The following CDH20 variants were observed in gnomAD, a reference collection of about 807,000 sequenced individuals.
The protein encoded by CDH20 is cadherin 20, also known as cadherin-20.
Under a neutral mutation model 74.2 loss-of-function variants are expected in CDH20, and 29 were observed. The ratio of observed to expected loss-of-function variants is 0.39; its 90% CI spans 0.29 to 0.53. The LOEUF (loss-of-function observed/expected upper bound fraction) is 0.53, where lower values mean the gene tolerates loss of function less well. CDH20 is among the 20% of genes least tolerant of loss of function. The pLI is 0.69. For missense variants in CDH20, 988 were observed against 1,048.3 expected (o/e 0.94, Z 0.79); for synonymous variants, 469 against 405.4 (o/e 1.16, Z -1.88).
chr18:61,450,474 C>A (rs1325154128), intron 1 of CDH20, among the ~76,000 whole-genome samples: 1 of 151,784 alleles, frequency 6.6e-6, no homozygotes, highest in African/African-American at 2.4e-5. Context: ...TATTAAAACC[C>A]CAAAGACTTA....
At chr18:61,348,165 G>A (rs1464842139) in intron 1 of CDH20, among the ~76,000 whole-genome samples, 1 of 152,120 alleles carries the variant, frequency 6.6e-6, no homozygotes, top group Admixed American at 6.6e-5. Flanking sequence ...GTCAAAGTGT[G>A]TTTGTGCCAA....
intron 1 of CDH20, among the ~76,000 whole-genome samples, chr18:61,385,801 G>A (rs145648105): frequency 2.1e-4 from 32 of 151,844 alleles, no homozygotes; most frequent in African/African-American, 7.2e-4. Flanking sequence ...GTGGTGGCAC[G>A]TGCTTGTAGT....
At chr18:61,368,440 G>T (rs1910929678) in intron 1 of CDH20, among the ~76,000 whole-genome samples, 1 of 114,634 alleles carries the variant, frequency 8.7e-6, no homozygotes, top group African/African-American at 3.3e-5. Context: ...TGGGTCGGGG[G>T]TGGGGGGCAA....
At chr18:61,542,669 T>C (rs907033640) in intron 9 of CDH20, among the ~76,000 whole-genome samples, 2 of 152,186 alleles carry the variant, frequency 1.3e-5, no homozygotes, top group South Asian at 4.1e-4. Context: ...GGCTGGGTAA[T>C]TTATAAAGAA....
At chr18:61,476,994 A>G (rs927193896) in intron 1 of CDH20, among the ~76,000 whole-genome samples, 3 of 152,166 alleles carry the variant, frequency 2.0e-5, no homozygotes, top group Non-Finnish European at 4.4e-5. Context: ...CTCATTGAGA[A>G]CACCTCGCAC....
chr18:61,518,448 A>C (rs1443781382), intron 6 of CDH20, among the ~76,000 whole-genome samples: 1 of 144,000 alleles, frequency 6.9e-6, no homozygotes, highest in African/African-American at 2.8e-5. Context: ...GCTGTTCTGC[A>C]GCCTCCGCTG....
chr18:61,454,168 C>T (rs80231110), intron 1 of CDH20, among the ~76,000 whole-genome samples: 1 of 152,246 alleles, frequency 6.6e-6, no homozygotes, highest in East Asian at 1.9e-4. Context: ...GCTTTTTCCA[C>T]TGTTGAGTTT....
chr18:61,356,445 C>T (rs181292653), intron 1 of CDH20, among the ~76,000 whole-genome samples: 1 of 152,166 alleles, frequency 6.6e-6, no homozygotes, highest in Non-Finnish European at 1.5e-5. Flanking sequence ...AATCTTACAC[C>T]TTTAATAATA....
At chr18:61,431,866 C>T (rs1156567497) in intron 1 of CDH20, among the ~76,000 whole-genome samples, 2 of 152,070 alleles carry the variant, frequency 1.3e-5, no homozygotes, top group Non-Finnish European at 2.9e-5. Context: ...TCAAACACTT[C>T]CCAGTTTCTC....
Position 61,445,308 on chromosome 18 carries a change from A to C in CDH20, c.-152-45094A>C, listed in dbSNP as rs948524238. 3.3e-5 allele frequency among the ~76,000 whole-genome samples: 5 copies of C among 152,080 alleles called. No homozygotes were observed. In the East Asian group the frequency reaches 9.7e-4, roughly 29 times the overall value. ...GTAGGTTTTATCCTCCATTTACACA[A>C]AAAAAATCCACAAATCAGAGAAGTT... On this transcript the variant is annotated intron_variant, in intron 1 of 11. Coordinates refer to ENST00000262717, the MANE Select transcript of CDH20 (RefSeq NM_031891.4).
At chr18:61,450,570 T>A (rs931386777) in intron 1 of CDH20, among the ~76,000 whole-genome samples, 8 of 152,006 alleles carry the variant, frequency 5.3e-5, no homozygotes, top group Non-Finnish European at 7.4e-5. Context: ...TAAAAAGAAC[T>A]TTTTTTATTA....
intron 1 of CDH20, among the ~76,000 whole-genome samples, chr18:61,351,014 T>A (rs891111247): frequency 2.0e-5 from 3 of 152,168 alleles, no homozygotes; most frequent in African/African-American, 7.2e-5. Context: ...GCTCACAACC[T>A]TTTCTTCATC....
At chr18:61,506,150 A>G (rs774341704) in intron 5 of CDH20, among the ~76,000 whole-genome samples, 1 of 152,246 alleles carries the variant, frequency 6.6e-6, no homozygotes, top group African/African-American at 2.4e-5. Flanking sequence ...ATCATGTAGA[A>G]ATTGTATGTA....
chr18:61,355,200 T>C (rs1490006290), intron 1 of CDH20, among the ~76,000 whole-genome samples: 2 of 152,244 alleles, frequency 1.3e-5, no homozygotes, highest in Non-Finnish European at 2.9e-5. Context: ...AATAAAATAT[T>C]TTGCTTAAGT....
Position 61,500,410 on chromosome 18 carries a change from C to T in CDH20, c.569C>T (p.Thr190Ile), listed in dbSNP as rs1456044341. ...ACCTCCGTCATCCAAGTGACAGCCA[C>T]AGATGCAGATGACCCGACCTACGGC... The part of the protein sequence containing the change: ...VGTSVIQVTA[T>I]DADDPTYGNS... Residue 190 changes from threonine (T) to isoleucine (I), a missense_variant, in exon 4 of 12, where the codon ACA becomes ATA. Physicochemically the swap from Thr to Ile is moderately conservative, Grantham distance 89 (BLOSUM62 -1). This residue lies in a region of CDH20 where 613 missense variants were observed against 755.2 expected (regional missense o/e 0.81). Coordinates refer to ENST00000262717, the MANE Select transcript of CDH20 (RefSeq NM_031891.4). 3.6e-5 allele frequency: 58 copies of T among 1,612,608 alleles called. No homozygotes were observed. The highest frequency in any genetic ancestry group is 4.8e-5 in the Non-Finnish European group (57 of 1,179,106).
At position 61,527,958 on chromosome 18, in the gene CDH20, GC is replaced by G. The variant is rs1377958427; in HGVS notation, c.1018-8del. 6.2e-7 allele frequency: 1 copy of G among 1,613,504 alleles called. No individual in the cohort carries two copies. Among genetic ancestry groups the G allele is most frequent in the African/African-American group, 1.3e-5 (1 of 74,882 alleles). On this transcript the variant is annotated splice_region_variant and splice_polypyrimidine_tract_variant and intron_variant, in intron 6 of 11. Transcript: ENST00000262717. Reference sequence around the variant, plus strand: ...GTGGCGAATCAATTTTCCTGTCATTGCTTTTCAGCCCCTGAGTTTTGAAAGC... The same window carrying G: ...GTGGCGAATCAATTTTCCTGTCATTGTTTTCAGCCCCTGAGTTTTGAAAGC...
intron 1 of CDH20, among the ~76,000 whole-genome samples, chr18:61,351,896 T>G (rs2144113761): frequency 6.6e-6 from 1 of 152,206 alleles, no homozygotes; most frequent in South Asian, 2.1e-4. Context: ...ATTATCAACC[T>G]CCCCTCAAAA....
chr18:61,483,032 G>GT (rs1209818002), intron 1 of CDH20, among the ~76,000 whole-genome samples: 1 of 152,076 alleles, frequency 6.6e-6, no homozygotes, highest in East Asian at 1.9e-4. Flanking sequence ...TGGTATCTGC[G>GT]TTTTCTTTAA....
intron 11 of CDH20, among the ~76,000 whole-genome samples, chr18:61,550,668 G>C (rs1189133632): frequency 6.6e-6 from 1 of 152,206 alleles, no homozygotes; most frequent in Non-Finnish European, 1.5e-5. Context: ...ACCAAAGTCA[G>C]AGGCACAGCC....
Sources: gnomAD v4.1 joint callset for allele counts (sites outside exome capture counted in the v4.1 genomes callset) on GRCh38, gnomAD v4.1.1 for gene constraint, gnomAD v4.1.1 regional missense constraint, MANE v1.5 for transcripts, NCBI Gene and HGNC (gene_info 2026-07-23, HGNC 2026-07-21) for gene names.